The following RALGPS2 variants were observed in gnomAD, a reference collection of about 807,000 sequenced individuals.
RALGPS2 encodes Ral GEF with PH domain and SH3 binding motif 2.
In RALGPS2, 43 loss-of-function variants were observed where a neutral mutation model predicts 86.8. That is an observed-to-expected ratio of 0.50 (90% CI 0.39 to 0.64). The LOEUF (loss-of-function observed/expected upper bound fraction) is 0.64. RALGPS2 is among the 30% of genes least tolerant of loss of function. The pLI, the probability that RALGPS2 is intolerant of heterozygous loss-of-function variation, is 0.00. For missense variants in RALGPS2, 536 were observed against 694.6 expected, an observed-to-expected ratio of 0.77 and a Z score of 2.57; for synonymous variants, 243 against 231.3, an observed-to-expected ratio of 1.05 and a Z score of -0.46.
chr1:178,744,851 A>G (rs987863970), intron 1 of RALGPS2, among the ~76,000 whole-genome samples: 1 of 151,478 alleles, frequency 6.6e-6, no homozygotes, highest in Non-Finnish European at 1.5e-5. Context: ...AGGAAAAGGC[A>G]TCCAGACTGG....
At chr1:178,871,382 C>G (rs1658745858) in intron 8 of RALGPS2, among the ~76,000 whole-genome samples, 1 of 152,098 alleles carries the variant, frequency 6.6e-6, no homozygotes, top group Non-Finnish European at 1.5e-5. Context: ...AAATAGTGCT[C>G]CACTTCACTT....
At chr1:178,805,630 A>G (rs1002860460) in intron 4 of RALGPS2, among the ~76,000 whole-genome samples, 5 of 152,116 alleles carry the variant, frequency 3.3e-5, no homozygotes, top group Non-Finnish European at 7.4e-5. Context: ...TGTTTTTCAC[A>G]TAATATATCT....
chr1:178,793,023 C>G (rs927818683), intron 4 of RALGPS2, among the ~76,000 whole-genome samples: 2 of 152,118 alleles, frequency 1.3e-5, no homozygotes, highest in African/African-American at 4.8e-5. Context: ...AAATCAGGGT[C>G]CAACACACAG....
chr1:178,914,396 A>G (rs1158281424), intron 19 of RALGPS2, among the ~76,000 whole-genome samples: 1 of 152,058 alleles, frequency 6.6e-6, no homozygotes, highest in African/African-American at 2.4e-5. Flanking sequence ...GCCATTCCAC[A>G]GTTACTTTAC....
At chr1:178,883,621 A>G in intron 11 of RALGPS2, 88 bp downstream of exon 11, 1 of 916,646 alleles carries the variant, frequency 1.1e-6, no homozygotes, top group Non-Finnish European at 1.7e-6. Flanking sequence ...AAAACTTAGT[A>G]CATCTTATAC....
intron 2 of RALGPS2, among the ~76,000 whole-genome samples, chr1:178,778,107 A>G (rs1049757989): frequency 2.3e-5 from 3 of 128,176 alleles, no homozygotes; most frequent in East Asian, 2.1e-4. Flanking sequence ...TGAACAGGCA[A>G]CCTACAAAAT....
At chr1:178,775,704 G>A (rs987132471) in intron 1 of RALGPS2, among the ~76,000 whole-genome samples, 2 of 152,066 alleles carry the variant, frequency 1.3e-5, no homozygotes, top group Non-Finnish European at 2.9e-5. Context: ...ACCATCCTGT[G>A]TCCTCAGAAG....
intron 2 of RALGPS2, among the ~76,000 whole-genome samples, chr1:178,778,064 GCTT>G (rs918242449): frequency 4.5e-5 from 6 of 133,898 alleles, no homozygotes; most frequent in Non-Finnish European, 6.2e-5. Context: ...AAACTAAAGA[GCTT>G]CTGCACAGCA....
At chr1:178,879,121 A>G in intron 10 of RALGPS2, 129 bp downstream of exon 10, 5 of 1,321,916 alleles carry the variant, frequency 3.8e-6, no homozygotes, top group Non-Finnish European at 5.0e-6. Context: ...TTACAGCAGT[A>G]AAGGTACTAA....
chr1:178,889,936 T>C (rs1020147433), intron 14 of RALGPS2, among the ~76,000 whole-genome samples: 10 of 151,952 alleles, frequency 6.6e-5, no homozygotes, highest in Admixed American at 5.9e-4. Context: ...TTAATACATT[T>C]ACATTTATAA....
chr1:178,844,069 A>G (rs938970771), intron 8 of RALGPS2, among the ~76,000 whole-genome samples: 1 of 152,216 alleles, frequency 6.6e-6, no homozygotes, highest in South Asian at 2.1e-4. Flanking sequence ...TTCAGCATTT[A>G]TAAATGCTGT....
intron 1 of RALGPS2, among the ~76,000 whole-genome samples, chr1:178,738,979 A>G (rs1478609247): frequency 6.6e-6 from 1 of 152,200 alleles, no homozygotes; most frequent in Non-Finnish European, 1.5e-5. Context: ...ATTAGCTTAC[A>G]TGACAAATCT....
intron 11 of RALGPS2, among the ~76,000 whole-genome samples, chr1:178,883,849 T>A (rs1659363303): frequency 6.6e-6 from 1 of 151,836 alleles, no homozygotes. Flanking sequence ...ATTAGCCGGG[T>A]GTGGTGGCGG....
chr1:178,895,478 A>G (rs896507821), intron 16 of RALGPS2, among the ~76,000 whole-genome samples: 1 of 152,098 alleles, frequency 6.6e-6, no homozygotes, highest in Admixed American at 6.6e-5. Flanking sequence ...GCTTTAAAAT[A>G]ATGTCATAGG....
chr1:178,809,050 A>G (rs1425953459), intron 5 of RALGPS2, among the ~76,000 whole-genome samples: 3 of 151,878 alleles, frequency 2.0e-5, no homozygotes, highest in East Asian at 3.9e-4. Context: ...AGGTCTCACT[A>G]TGTTGCCCAA....
At chr1:178,777,415 A>G (rs1653151450) in intron 2 of RALGPS2, among the ~76,000 whole-genome samples, 2 of 151,912 alleles carry the variant, frequency 1.3e-5, no homozygotes, top group Admixed American at 6.6e-5. Flanking sequence ...ATGGAAGAAC[A>G]TTCCATGCTC....
At chr1:178,814,403 T>G (rs895970928) in intron 6 of RALGPS2, among the ~76,000 whole-genome samples, 1 of 152,000 alleles carries the variant, frequency 6.6e-6, no homozygotes, top group Non-Finnish European at 1.5e-5. Context: ...AAATACAGAG[T>G]TCGTACTAGC....
chr1:178,741,080 T>C (rs538208579), intron 1 of RALGPS2, among the ~76,000 whole-genome samples: 2 of 152,246 alleles, frequency 1.3e-5, no homozygotes, highest in African/African-American at 4.8e-5. Context: ...AGAGTCTAAC[T>C]ATAGTTAATC....
At chr1:178,770,748 A>G (rs1226724427) in intron 1 of RALGPS2, among the ~76,000 whole-genome samples, 8 of 151,482 alleles carry the variant, frequency 5.3e-5, no homozygotes, top group Non-Finnish European at 1.2e-4. Context: ...AAGTGTTGGA[A>G]TTACAGGCGT....
Sources: allele counts gnomAD v4.1 joint callset (sites outside exome capture counted in the v4.1 genomes callset), GRCh38; gene constraint gnomAD v4.1.1; transcripts MANE v1.5; gene names NCBI Gene and HGNC (gene_info 2026-07-23, HGNC 2026-07-21).